Variants in DLGAP2 observed in about 807,000 individuals in gnomAD.
The protein encoded by DLGAP2 is DLG associated protein 2.
Under a neutral mutation model 100.3 loss-of-function variants are expected in DLGAP2, and 26 were observed. The observed-to-expected ratio is 0.26, with a 90% CI of 0.19 to 0.36. The LOEUF (loss-of-function observed/expected upper bound fraction) is 0.36. Among genes scored for constraint, DLGAP2 ranks in the 10% least tolerant of loss-of-function variants. DLGAP2 has a pLI of 1.00. For missense variants in DLGAP2, 1,858 were observed against 1,453.2 expected (o/e 1.28, Z -4.53); for synonymous variants, 886 against 630.1 (o/e 1.41, Z -6.08).
At chr8:1,577,914 C>T (rs531462074) in intron 6 of DLGAP2, among the ~76,000 whole-genome samples, 63 of 152,312 alleles carry the variant, frequency 4.1e-4, no homozygotes, top group African/African-American at 1.4e-3. Context: ...GGCACCAGCG[C>T]GAGTGCTCAT....
chr8:1,114,676 T>C (rs1213178101), intron 2 of DLGAP2, among the ~76,000 whole-genome samples: 1 of 152,092 alleles, frequency 6.6e-6, no homozygotes, highest in Non-Finnish European at 1.5e-5. Context: ...TTTTTTTCAA[T>C]GGTTTTTCGT....
Position 1,387,503 on chromosome 8 carries a change from A to G in DLGAP2, c.107-113863A>G, listed in dbSNP as rs1195821948. 2.0e-5 allele frequency among the ~76,000 whole-genome samples: 3 copies of G among 152,220 alleles called. No individual in the cohort carries two copies. In the East Asian group the frequency reaches 5.8e-4, roughly 29 times the overall value. ...TGAGGGGCAGTTTGCAGAACTGAGG[A>G]GGTTCTGGAGAAGGACGGTGGTCGT... On this transcript the variant is annotated intron_variant, in intron 3 of 14. Coordinates refer to ENST00000637795, the MANE Select transcript of DLGAP2 (RefSeq NM_001346810.2).
chr8:1,494,444 CCACTT>C (rs1563181883), intron 3 of DLGAP2, among the ~76,000 whole-genome samples: 2 of 152,296 alleles, frequency 1.3e-5, no homozygotes, highest in East Asian at 3.9e-4. Flanking sequence ...AAATGAGGGG[CCACTT>C]GGGCAGGTGC....
At chr8:1,414,632 A>G (rs1211675399) in intron 3 of DLGAP2, among the ~76,000 whole-genome samples, 1 of 152,230 alleles carries the variant, frequency 6.6e-6, no homozygotes, top group Non-Finnish European at 1.5e-5. Flanking sequence ...GCTGTCTCTG[A>G]GGATCCCGCC....
intron 2 of DLGAP2, among the ~76,000 whole-genome samples, chr8:1,053,330 G>A (rs1001962881): frequency 2.0e-5 from 3 of 152,042 alleles, no homozygotes; most frequent in Admixed American, 6.6e-5. Context: ...TATAAAGTTT[G>A]GGGGAACATA....
At chr8:1,458,524 G>T (rs1798383333) in intron 3 of DLGAP2, among the ~76,000 whole-genome samples, 2 of 152,154 alleles carry the variant, frequency 1.3e-5, no homozygotes, top group Non-Finnish European at 2.9e-5. Context: ...ATTGTTACCT[G>T]GCATCATGAA....
intron 6 of DLGAP2, among the ~76,000 whole-genome samples, chr8:1,599,631 CTCT>C (rs1316736509): frequency 2.0e-5 from 3 of 152,210 alleles, no homozygotes; most frequent in South Asian, 4.1e-4. Flanking sequence ...TTATGTGATG[CTCT>C]TCTTTGTCTT....
chr8:1,346,614 A>G (rs1012187924), intron 3 of DLGAP2, among the ~76,000 whole-genome samples: 1 of 150,544 alleles, frequency 6.6e-6, no homozygotes, highest in Admixed American at 6.6e-5. Flanking sequence ...AGCTGTGTGG[A>G]GGTTGAGTTC....
chr8:1,000,039 T>C (rs1800901479), intron 2 of DLGAP2, among the ~76,000 whole-genome samples: 1 of 145,142 alleles, frequency 6.9e-6, no homozygotes, highest in South Asian at 2.3e-4. Context: ...GGTGGTTTTC[T>C]TTTGCACTGG....
At chr8:998,367 C>T (rs1725881626) in intron 2 of DLGAP2, among the ~76,000 whole-genome samples, 1 of 152,186 alleles carries the variant, frequency 6.6e-6, no homozygotes, top group Non-Finnish European at 1.5e-5. Context: ...GTGGCGTGGT[C>T]CTAGCTCACT....
At chr8:1,553,124 G>A (rs1201224370) in intron 5 of DLGAP2, among the ~76,000 whole-genome samples, 1 of 152,198 alleles carries the variant, frequency 6.6e-6, no homozygotes, top group Non-Finnish European at 1.5e-5. Flanking sequence ...TGGAGGGACA[G>A]CGGGGCCCCT....
chr8:954,757 TGG>T (rs1221968292), intron 2 of DLGAP2, among the ~76,000 whole-genome samples: 1 of 152,176 alleles, frequency 6.6e-6, no homozygotes, highest in Non-Finnish European at 1.5e-5. Flanking sequence ...CTGGTTAGCC[TGG>T]GTGGGGAAGA....
intron 5 of DLGAP2, among the ~76,000 whole-genome samples, chr8:1,555,583 C>T (rs1425427277): frequency 2.0e-5 from 3 of 152,206 alleles, no homozygotes; most frequent in African/African-American, 7.2e-5. Context: ...AATCAGGGAC[C>T]GTCTGCAGGA....
At chr8:1,172,973 C>A (rs2116681458) in intron 2 of DLGAP2, among the ~76,000 whole-genome samples, 1 of 152,202 alleles carries the variant, frequency 6.6e-6, no homozygotes, top group East Asian at 1.9e-4. Context: ...TTTAGAGTTT[C>A]CATTTTTTCT....
At chr8:1,558,124 C>A (rs990002984) in intron 5 of DLGAP2, among the ~76,000 whole-genome samples, 2 of 152,198 alleles carry the variant, frequency 1.3e-5, no homozygotes, top group African/African-American at 4.8e-5. Context: ...ATCCTGGGGG[C>A]TCCCATGTGG....
At chr8:1,024,513 T>C (rs571622612) in intron 2 of DLGAP2, among the ~76,000 whole-genome samples, 7 of 152,090 alleles carry the variant, frequency 4.6e-5, no homozygotes, top group African/African-American at 1.4e-4. Flanking sequence ...AGGTAGTGCC[T>C]GCACCTCTGC....
chr8:747,660 C>T (rs1227722197), intron 1 of DLGAP2, among the ~76,000 whole-genome samples: 1 of 115,032 alleles, frequency 8.7e-6, no homozygotes, highest in Non-Finnish European at 1.8e-5. Flanking sequence ...GGGTGGGGGC[C>T]TTTGTGGTGG....
At chr8:822,794 C>T (rs946240882) in intron 1 of DLGAP2, among the ~76,000 whole-genome samples, 13 of 152,162 alleles carry the variant, frequency 8.5e-5, no homozygotes, top group Non-Finnish European at 1.8e-4. Context: ...ACAACAGCAT[C>T]CTGGGGCTGT....
chr8:1,282,717 C>T (rs1354466346), intron 3 of DLGAP2, among the ~76,000 whole-genome samples: 1 of 137,756 alleles, frequency 7.3e-6, no homozygotes, highest in Non-Finnish European at 1.6e-5. Flanking sequence ...TGACCTGAAC[C>T]CAGCGCCCTG....
Sources: allele counts gnomAD v4.1 joint callset (sites outside exome capture counted in the v4.1 genomes callset), GRCh38; gene constraint gnomAD v4.1.1; transcripts MANE v1.5; gene names NCBI Gene and HGNC (gene_info 2026-07-23, HGNC 2026-07-21).